The following FBXO38 variants were observed in gnomAD, a reference collection of about 807,000 sequenced individuals.
FBXO38 encodes F-box protein 38.
FBXO38 carries 53 observed loss-of-function variants against 131.9 expected under a neutral mutation model. That is an observed-to-expected ratio of 0.40 (90% CI 0.32 to 0.51). FBXO38 has a LOEUF of 0.51. FBXO38 is among the 20% of genes least tolerant of loss of function. The pLI is 0.53. For missense variants in FBXO38, 1,076 were observed against 1,475.6 expected (o/e 0.73, Z 4.44); for synonymous variants, 452 against 505.6 (o/e 0.89, Z 1.42).
At chr5:148,439,847 C>T (rs183266058) in intron 19 of FBXO38, 55 bp downstream of exon 19, 2 of 1,547,792 alleles carry the variant, frequency 1.3e-6, no homozygotes, top group African/African-American at 2.8e-5. Flanking sequence ...ATAGCAGGGA[C>T]TCCCAGAAGC....
chr5:148,392,957 C>T (rs1758279104), intron 1 of FBXO38, among the ~76,000 whole-genome samples: 1 of 152,194 alleles, frequency 6.6e-6, no homozygotes, highest in South Asian at 2.1e-4. Context: ...AGTGGTTAAT[C>T]AGAAGCAGGT....
Position 148,402,136 on chromosome 5 carries a change from A to G in FBXO38, c.417A>G (p.Pro139=). 1 of 1,610,618 alleles carries G rather than the reference A, an allele frequency of 6.2e-7. No individual in the cohort carries two copies. The highest frequency in any genetic ancestry group is 1.1e-5 in the South Asian group (1 of 90,900). The change falls in exon 4 of 22, where the codon CCA becomes CCG. Residue 139 remains proline (P), a synonymous_variant. Transcript: ENST00000340253. ...TCCTAGAAGCTTTGCAGGCATGCCC[A>G]AACTTAGTGGTGAGTGCACCTGGTT... ...PGVLEALQAC[P]NLVGVETSHL... is the part of the protein sequence containing the mutation.
At chr5:148,394,532 A>T (rs748617200) in intron 1 of FBXO38, among the ~76,000 whole-genome samples, 182 bp from the exon 2 acceptor site, 5 of 152,176 alleles carry the variant, frequency 3.3e-5, no homozygotes, top group African/African-American at 7.2e-5. Flanking sequence ...TTATCCACTC[A>T]TCTTGAGAAA....
intron 9 of FBXO38, chr5:148,413,831 C>G (rs1752905562): frequency 4.5e-6 from 1 of 223,326 alleles, no homozygotes; most frequent in Non-Finnish European, 8.7e-6. Context: ...ATGGTATGAA[C>G]CAGTATGATA....
chr5:148,418,346 T>A (rs1443874223), intron 12 of FBXO38, among the ~76,000 whole-genome samples: 2 of 152,198 alleles, frequency 1.3e-5, no homozygotes, highest in Non-Finnish European at 2.9e-5. Flanking sequence ...CTACACATTT[T>A]CACTCAAGCT....
chr5:148,389,389 T>C lies in FBXO38; in HGVS notation c.-63-5325T>C, dbSNP rs76041207. On this transcript the variant is annotated intron_variant, in intron 1 of 21. Coordinates refer to ENST00000340253, the MANE Select transcript of FBXO38 (RefSeq NM_205836.3). ...TCAATTTGTGAAAGACACATTATCTTTGAAGCACAGTAAAGTGAATCACAA... is the reference window on the plus strand; with the variant it reads ...TCAATTTGTGAAAGACACATTATCTCTGAAGCACAGTAAAGTGAATCACAA... Among the ~76,000 whole-genome samples, 854 of 152,340 alleles carry C rather than the reference T, an allele frequency of 5.6e-3. 34 individuals are homozygous for C. In the East Asian group the frequency reaches 0.11, roughly 19 times the overall value.
intron 18 of FBXO38, among the ~76,000 whole-genome samples, chr5:148,439,446 C>T (rs1309428549): frequency 6.6e-6 from 1 of 152,148 alleles, no homozygotes; most frequent in African/African-American, 2.4e-5. Flanking sequence ...ATATAAATTG[C>T]CAAGTTCCCT....
intron 17 of FBXO38, among the ~76,000 whole-genome samples, chr5:148,437,257 C>T (rs1006889586): frequency 3.9e-5 from 6 of 152,314 alleles, no homozygotes; most frequent in South Asian, 2.1e-4. Context: ...TTAATGACAG[C>T]GGAGATGATT....
At position 148,406,392 on chromosome 5, in the gene FBXO38, C is replaced by T. The variant is rs754895300; in HGVS notation, c.866C>T (p.Ser289Leu). 4 of 1,551,522 alleles carry T rather than the reference C, an allele frequency of 2.6e-6. No homozygotes were observed. The highest frequency in any genetic ancestry group is 3.5e-6 in the Non-Finnish European group (4 of 1,153,564). Residue 289 changes from serine (S) to leucine (L), a missense_variant and splice_region_variant, in exon 7 of 22, where the codon TCA becomes TTA. Transcript: ENST00000340253. ...IQHVVEDSWR[S>L]GGFRNLHTIV... is the part of the protein sequence containing the mutation. Reference sequence around the variant, plus strand: ...CATGTTGTTGAAGACAGTTGGAGATCAGGTATTCATTTTCTTTAATTACTA... The same window carrying T: ...CATGTTGTTGAAGACAGTTGGAGATTAGGTATTCATTTTCTTTAATTACTA...
chr5:148,436,573 G>A (rs569191316), intron 17 of FBXO38, among the ~76,000 whole-genome samples: 5 of 143,648 alleles, frequency 3.5e-5, no homozygotes, highest in Non-Finnish European at 6.0e-5. Flanking sequence ...TCGTCAACCT[G>A]TATTGCCAAA....
At chr5:148,414,767 C>T (rs998441406) in intron 10 of FBXO38, among the ~76,000 whole-genome samples, 5 of 152,136 alleles carry the variant, frequency 3.3e-5, no homozygotes, top group African/African-American at 1.2e-4. Flanking sequence ...TTTCAGATCT[C>T]CCCCTCCAAT....
At chr5:148,398,163 G>C (rs991430154) in intron 2 of FBXO38, among the ~76,000 whole-genome samples, 2 of 152,124 alleles carry the variant, frequency 1.3e-5, no homozygotes, top group African/African-American at 4.8e-5. Flanking sequence ...TACCTCTTAA[G>C]GTTGTTGTGA....
intron 3 of FBXO38, 83 bp from the exon 4 acceptor site, chr5:148,401,899 C>T: frequency 7.3e-7 from 1 of 1,364,560 alleles, no homozygotes; most frequent in African/African-American, 1.5e-5. Context: ...TCTTTTTTAA[C>T]TTTTGGTAAA....
chr5:148,402,172 G>A (rs1490580086), intron 4 of FBXO38, 27 bp downstream of exon 4: 6 of 1,589,824 alleles, frequency 3.8e-6, no homozygotes, highest in Non-Finnish European at 4.3e-6. Context: ...GAACATTTTG[G>A]CATCAACTGT....
At chr5:148,423,906 C>T in intron 12 of FBXO38, 92 bp from the exon 13 acceptor site, 1 of 1,158,068 alleles carries the variant, frequency 8.6e-7, no homozygotes, top group Non-Finnish European at 1.2e-6. Flanking sequence ...ATCAGCGGGA[C>T]TGTTCAGTTC....
Position 148,428,410 on chromosome 5 carries a change from A to G in FBXO38, c.2653+463A>G, listed in dbSNP as rs78872820. ...GCAGTACTTAGTAATTTTTTCAGAA[A>G]TCTAGTTTTGCTTCAAGTAAGATTT... On this transcript the variant is annotated intron_variant, in intron 15 of 21. Transcript: ENST00000340253. Among the ~76,000 whole-genome samples, 1,235 of 152,304 alleles carry G rather than the reference A, an allele frequency of 8.1e-3. 21 individuals carry two copies. Among genetic ancestry groups the G allele is most frequent in the African/African-American group, 0.028 (1,183 of 41,560 alleles).
At chr5:148,399,221 A>G (rs1286567183) in intron 3 of FBXO38, 89 bp downstream of exon 3, 4 of 1,447,138 alleles carry the variant, frequency 2.8e-6, no homozygotes, top group South Asian at 1.3e-5. Context: ...TGTCTTGAGA[A>G]AGGCAATCTA....
In FBXO38 at chr5:148,402,510, G is replaced by A; in HGVS notation, c.589G>A (p.Val197Ile). 1 of 1,606,228 alleles carries A rather than the reference G, an allele frequency of 6.2e-7. No homozygotes were observed. The highest frequency in any genetic ancestry group is 1.1e-5 in the South Asian group (1 of 90,662). ...AGCCAAAATTCAAACTTTACATTTA[G>A]TTGGTGAGTACATGTTTCTTGGGTC... is the stretch of plus-strand genomic sequence containing the variant. ...IGAKIQTLHL[V>I]GVNVPEIPCI... The change falls in exon 5 of 22, where the codon GTT becomes ATT. Residue 197 changes from valine to isoleucine, a missense_variant. This residue lies in a region of FBXO38 where 96 missense variants were observed against 193.9 expected (regional missense o/e 0.50). Coordinates refer to ENST00000340253, the MANE Select transcript of FBXO38 (RefSeq NM_205836.3).
chr5:148,414,154 A>C lies in FBXO38; in HGVS notation c.1112A>C (p.Asp371Ala). The change falls in exon 10 of 22, where the codon GAT (aspartate) becomes GCT (alanine). Residue 371 changes from aspartate (D) to alanine (A), a missense_variant. Asp to Ala is a moderately radical substitution (Grantham distance 126). Coordinates refer to ENST00000340253, the MANE Select transcript of FBXO38 (RefSeq NM_205836.3). ...FLLQSRMANA[D>A]LVKYGLADVV... is the part of the protein sequence containing the mutation. Reference sequence around the variant, plus strand: ...TTTTTAGGCAGAATGGCTAATGCGGATCTGGTGAAGTATGGTTTGGCTGAT... The same window carrying C: ...TTTTTAGGCAGAATGGCTAATGCGGCTCTGGTGAAGTATGGTTTGGCTGAT... The C allele has an allele frequency of 6.2e-7, 1 of 1,606,758 alleles. No homozygotes were observed. Among genetic ancestry groups the C allele is most frequent in the Non-Finnish European group, 8.5e-7 (1 of 1,177,788 alleles).
Sources: allele counts gnomAD v4.1 joint callset (sites outside exome capture counted in the v4.1 genomes callset), GRCh38; gene constraint gnomAD v4.1.1; regional missense constraint gnomAD v4.1.1; transcripts MANE v1.5; gene names NCBI Gene and HGNC (gene_info 2026-07-23, HGNC 2026-07-21).